Variants in SAMD5 observed in about 807,000 individuals in gnomAD.
SAMD5 encodes the protein sterile alpha motif domain containing 5, also known as sterile alpha motif domain-containing protein 5.
In SAMD5, 13 loss-of-function variants were observed where a neutral mutation model predicts 11.3. That is an observed-to-expected ratio of 1.15 (90% confidence interval 0.75 to 1.83). SAMD5 has a LOEUF of 1.83. SAMD5 is among the 40% of genes most tolerant of loss of function. The pLI is 0.00. For missense variants in SAMD5, 255 were observed against 239.1 expected, an observed-to-expected ratio of 1.07 and a Z score of -0.44; for synonymous variants, 129 against 111.3, an observed-to-expected ratio of 1.16 and a Z score of -1.00.
At chr6:147,892,227 A>G in the SAMD5 span, among the ~76,000 whole-genome samples, 4 of 152,138 alleles carry the variant, frequency 2.6e-5, no homozygotes, top group African/African-American at 9.7e-5. Context: ...GCTGTAGTGG[A>G]GATTCTGGAA....
intron 1 of SAMD5, among the ~76,000 whole-genome samples, chr6:147,679,819 T>C (rs1032159370): frequency 2.6e-5 from 4 of 151,280 alleles, no homozygotes; most frequent in Non-Finnish European, 5.9e-5. Flanking sequence ...TTTTTTTTTT[T>C]CATGTGGGTA....
downstream of SAMD5, among the ~76,000 whole-genome samples, chr6:147,573,009 C>T (rs1241588209): frequency 1.3e-5 from 2 of 152,228 alleles, no homozygotes; most frequent in East Asian, 3.9e-4. Context: ...ACTTTGAATC[C>T]CACAAAGCTG....
the SAMD5 span, among the ~76,000 whole-genome samples, chr6:147,910,210 C>T: frequency 6.6e-6 from 1 of 152,020 alleles, no homozygotes; most frequent in South Asian, 2.1e-4. Context: ...ATCACTTATT[C>T]ACCAAAGCGA....
At chr6:147,640,032 T>C (rs760516789) in intron 1 of SAMD5, among the ~76,000 whole-genome samples, 10 of 152,144 alleles carry the variant, frequency 6.6e-5, no homozygotes, top group East Asian at 1.9e-4. Context: ...AAAAGCTTCA[T>C]GGTAAAGAAT....
rs1273270203 is a variant in SAMD5 at position 147,523,778 on chromosome 6, G to T, written c.459+14391G>T. Among the ~76,000 whole-genome samples the T allele has an allele frequency of 2.6e-5, 4 of 152,308 alleles. No homozygotes were observed. The East Asian group carries it at 7.7e-4, about 29-fold the overall frequency. On this transcript the variant is annotated intron_variant, in intron 1 of 1. Coordinates refer to ENST00000367474, the MANE Select transcript of SAMD5 (RefSeq NM_001030060.3). ...ATGTGAAAGTGGAAACTGATAATTT[G>T]CTAATCTGTTAATTACCTGCACAGC...
chr6:147,553,167 T>C (rs542030664), intron 1 of SAMD5, among the ~76,000 whole-genome samples: 22 of 152,322 alleles, frequency 1.4e-4, no homozygotes, highest in Non-Finnish European at 1.5e-4. Flanking sequence ...GATAACTCTC[T>C]GGGATGTAGG....
chr6:147,850,164 G>A, the SAMD5 span, among the ~76,000 whole-genome samples: 1 of 152,154 alleles, frequency 6.6e-6, no homozygotes, highest in Non-Finnish European at 1.5e-5. Flanking sequence ...GGAAACATAT[G>A]TATACAAACC....
chr6:147,793,655 ATTTAGGCTGTT>A, the SAMD5 span, among the ~76,000 whole-genome samples: 1 of 152,174 alleles, frequency 6.6e-6, no homozygotes, highest in Non-Finnish European at 1.5e-5. Flanking sequence ...ATTGGTACCT[ATTTAGGCTGTT>A]TTCATCTTAC....
At chr6:147,607,587 T>G (rs7766811) in intron 1 of SAMD5, among the ~76,000 whole-genome samples, 51,958 of 151,998 alleles carry the variant, frequency 0.34, 9,099 homozygotes, top group South Asian at 0.37. Flanking sequence ...GGGATATCCA[T>G]ATGCAGAAGA....
the SAMD5 span, among the ~76,000 whole-genome samples, chr6:147,921,234 T>C: frequency 6.7e-6 from 1 of 149,740 alleles, no homozygotes; most frequent in Non-Finnish European, 1.5e-5. Flanking sequence ...TCAGTCACAA[T>C]ACCAGAGAAC....
intron 1 of SAMD5, among the ~76,000 whole-genome samples, chr6:147,536,401 G>A (rs561079009): frequency 3.3e-5 from 5 of 152,282 alleles, no homozygotes; most frequent in East Asian, 3.9e-4. Flanking sequence ...TATGCTTTAA[G>A]TTTTGTTTAC....
At chr6:147,716,636 G>A (rs1237755104) in intron 1 of SAMD5, among the ~76,000 whole-genome samples, 3 of 152,148 alleles carry the variant, frequency 2.0e-5, no homozygotes, top group Non-Finnish European at 2.9e-5. Context: ...GGCTCCTGTC[G>A]GCTCTGTGGA....
chr6:147,913,047 C>T, the SAMD5 span, among the ~76,000 whole-genome samples: 1 of 152,010 alleles, frequency 6.6e-6, no homozygotes, highest in Admixed American at 6.5e-5. Flanking sequence ...AAGCATCACT[C>T]TCTATCCTTT....
intron 1 of SAMD5, among the ~76,000 whole-genome samples, chr6:147,612,286 C>T (rs2128449244): frequency 6.6e-6 from 1 of 152,248 alleles, no homozygotes; most frequent in East Asian, 1.9e-4. Flanking sequence ...ACCTATTTAG[C>T]CTAAAGCATA....
chr6:147,812,484 G>A, the SAMD5 span, among the ~76,000 whole-genome samples: 2 of 152,056 alleles, frequency 1.3e-5, no homozygotes, highest in Non-Finnish European at 2.9e-5. Context: ...ATGGAAATGC[G>A]AGCCCAGTCA....
intron 1 of SAMD5, among the ~76,000 whole-genome samples, chr6:147,700,589 A>C (rs1265177235): frequency 8.6e-6 from 1 of 116,958 alleles, no homozygotes; most frequent in Non-Finnish European, 2.1e-5. Flanking sequence ...GGCCCTGTCC[A>C]CATGTGTTTT....
chr6:147,944,271 C>A, the SAMD5 span, among the ~76,000 whole-genome samples: 1 of 152,120 alleles, frequency 6.6e-6, no homozygotes, highest in African/African-American at 2.4e-5. Flanking sequence ...TGAGACTGGG[C>A]AATTTGCAAA....
intron 1 of SAMD5, among the ~76,000 whole-genome samples, chr6:147,600,625 T>G (rs1789600654): frequency 6.6e-6 from 1 of 152,168 alleles, no homozygotes; most frequent in South Asian, 2.1e-4. Context: ...CCACTCTCCC[T>G]CTCCTCATTT....
the SAMD5 span, among the ~76,000 whole-genome samples, chr6:147,792,775 CAAT>C: frequency 2.0e-5 from 3 of 152,114 alleles, no homozygotes; most frequent in Non-Finnish European, 4.4e-5. Context: ...AAACCAACAA[CAAT>C]GATGATGTAT....
Sources: gnomAD v4.1 joint callset for allele counts (sites outside exome capture counted in the v4.1 genomes callset) on GRCh38, gnomAD v4.1.1 for gene constraint, MANE v1.5 for transcripts, NCBI Gene and HGNC (gene_info 2026-07-23, HGNC 2026-07-21) for gene names.